Variants in CHORDC1 observed in about 807,000 individuals in gnomAD.
The protein encoded by CHORDC1 is cysteine and histidine rich domain containing 1, also known as cysteine and histidine-rich domain-containing protein 1.
Under a neutral mutation model 48.3 loss-of-function variants are expected in CHORDC1, and 25 were observed. The observed-to-expected ratio is 0.52, with a 90% CI of 0.38 to 0.72. The LOEUF is 0.72. Among genes scored for constraint, CHORDC1 ranks in the 30% least tolerant of loss-of-function variants. The pLI is 0.00. For missense variants in CHORDC1, 317 were observed against 388.7 expected (o/e 0.82, Z 1.55); for synonymous variants, 128 against 126.4 (o/e 1.01, Z -0.09).
intron 1 of CHORDC1, chr11:90,222,587 A>C: frequency 1.6e-6 from 1 of 612,972 alleles, no homozygotes; most frequent in South Asian, 1.5e-5. Flanking sequence ...TGTTCGTTCT[A>C]AATTCCAGGC....
At chr11:90,218,750 T>C (rs1228932389) in intron 1 of CHORDC1, among the ~76,000 whole-genome samples, 1 of 151,780 alleles carries the variant, frequency 6.6e-6, no homozygotes, top group African/African-American at 2.4e-5. Context: ...CCCTGCCCTG[T>C]TTGGGAAGTG....
At chr11:90,212,825 T>C (rs1857908702) in intron 4 of CHORDC1, 2 of 151,928 alleles carry the variant, frequency 1.3e-5, no homozygotes, top group Admixed American at 6.6e-5. Context: ...AGACAGGATC[T>C]CTTTCAGATT....
chr11:90,219,599 T>C (rs1351664500), intron 1 of CHORDC1, among the ~76,000 whole-genome samples: 1 of 152,146 alleles, frequency 6.6e-6, no homozygotes, highest in Non-Finnish European at 1.5e-5. Flanking sequence ...CCACAAACAA[T>C]AGCATGAGCC....
At chr11:90,220,316 G>GT (rs1858134793) in intron 1 of CHORDC1, among the ~76,000 whole-genome samples, 1 of 152,170 alleles carries the variant, frequency 6.6e-6, no homozygotes, top group African/African-American at 2.4e-5. Context: ...TGTAGAAAGT[G>GT]TTAGGTATCT....
At chr11:90,216,585 A>G (rs1008430015) in intron 2 of CHORDC1, 2 of 435,672 alleles carry the variant, frequency 4.6e-6, no homozygotes, top group Non-Finnish European at 4.5e-6. Flanking sequence ...TAGAGACCAC[A>G]ATAAACACTA....
intron 4 of CHORDC1, chr11:90,213,044 G>A (rs1452034823): frequency 5.4e-6 from 1 of 186,030 alleles, no homozygotes; most frequent in African/African-American, 2.3e-5. Context: ...CTGAAGTTTT[G>A]TCTTTTCCCA....
chr11:90,221,647 TTC>T (rs1211239767), intron 1 of CHORDC1, among the ~76,000 whole-genome samples: 9 of 152,210 alleles, frequency 5.9e-5, no homozygotes, highest in Non-Finnish European at 1.3e-4. Context: ...TTAAAATCGT[TTC>T]TCGATTTTGT....
intron 7 of CHORDC1, chr11:90,205,824 G>A: frequency 2.1e-6 from 1 of 465,808 alleles, no homozygotes; most frequent in Non-Finnish European, 3.8e-6. Context: ...GCAGGATGCG[G>A]AAAAGTATGG....
Position 90,201,197 on chromosome 11 carries a change from G to C in CHORDC1, c.*1208C>G, listed in dbSNP as rs1389779628. 6.6e-6 allele frequency: 1 copy of C among 151,588 alleles called. No homozygotes were observed. The highest frequency in any genetic ancestry group is 1.5e-5 in the Non-Finnish European group (1 of 67,796). 9.4% of individuals were successfully genotyped at this position (151,588 alleles called of 1,614,324 possible). A position where few individuals can be genotyped will look rare whatever the true frequency, so the allele number is the denominator to read the frequency against. ...TACCAAGGAAAAGAAAAGACTCAAG[G>C]GGTTTGGGAAATAAACCCCTTTTAA... On this transcript the variant is annotated 3_prime_UTR_variant, in exon 11 of 11. Coordinates refer to ENST00000320585, the MANE Select transcript of CHORDC1 (RefSeq NM_012124.3).
intron 10 of CHORDC1, 65 bp from the exon 11 acceptor site, chr11:90,202,616 C>G (rs1857569526): frequency 5.2e-6 from 8 of 1,553,090 alleles, no homozygotes; most frequent in Non-Finnish European, 6.1e-6. Flanking sequence ...AGGAAAACAT[C>G]AGACTTGCTT....
At chr11:90,217,346 A>G (rs1173665243) in intron 2 of CHORDC1, among the ~76,000 whole-genome samples, 1 of 149,594 alleles carries the variant, frequency 6.7e-6, no homozygotes, top group African/African-American at 2.5e-5. Context: ...CTTTTGAGAT[A>G]TACAAAGGAA....
rs1857977233 is a variant in CHORDC1, at chr11:90,215,178, A to G, written c.167T>C (p.Ile56Thr). The G allele has an allele frequency of 6.6e-7, 1 of 1,526,414 alleles. No individual in the cohort carries two copies. The highest frequency in any genetic ancestry group is 8.9e-7 in the Non-Finnish European group (1 of 1,120,072). The allele number at this position is 1,526,414 out of a possible 1,614,324, so 94.6% of individuals were successfully genotyped here. Residue 56 changes from isoleucine (I) to threonine (T), a missense_variant, in exon 3 of 11, where the codon ATT becomes ACT. Ile to Thr is a moderately conservative substitution (Grantham distance 89). Coordinates refer to ENST00000320585, the MANE Select transcript of CHORDC1 (RefSeq NM_012124.3). Reference protein sequence around the residue: ...RTTDFSDFLSIVGCTKGRHNS... With the variant: ...RTTDFSDFLSTVGCTKGRHNS... ...GAAAAAATAATTAGTACTTACTACA[A>G]TGCTTAAGAAATCAGAAAAATCAGT...
In CHORDC1 at chr11:90,201,050, A is replaced by T. The variant is rs1857532992; in HGVS notation, c.*1355T>A. 6.6e-6 allele frequency: 1 copy of T among 152,018 alleles called. No homozygotes were observed. The highest frequency in any genetic ancestry group is 6.6e-5 in the Admixed American group (1 of 15,258). The allele number at this position is 152,018 out of a possible 1,614,324, so 9.4% of individuals were successfully genotyped here. On this transcript the variant is annotated 3_prime_UTR_variant, in exon 11 of 11. Coordinates refer to ENST00000320585, the MANE Select transcript of CHORDC1 (RefSeq NM_012124.3). ...TTATGTTTTTATTTGTAACAGAGCT[A>T]AACCTTTTAACAATTATATTAACTA... is the stretch of plus-strand genomic sequence containing the variant.
Position 90,205,438 on chromosome 11 carries a change from T to A in CHORDC1, c.669+22A>T, listed in dbSNP as rs776972026. The A allele has an allele frequency of 1.7e-4, 218 of 1,249,208 alleles. 3 individuals are homozygous for A. The East Asian group carries it at 5.1e-3, about 29-fold the overall frequency. The allele number at this position is 1,249,208 out of a possible 1,614,324, so 77.4% of individuals were successfully genotyped here. ...TCAGATGAATATAAACCCAGTGTGC[T>A]ATTTTTGGAAGAGTTACTTACAGCA... On this transcript the variant is annotated intron_variant, in intron 8 of 10. Transcript: ENST00000320585.
In CHORDC1 at chr11:90,206,024, T is replaced by G. The variant is rs574759732; in HGVS notation, c.563+178A>C. Reference sequence around the variant, plus strand: ...GAACTGTAACCTTGTTTCTGTTTTCTCATGTATAAACACACAACATACAAA... The same window carrying G: ...GAACTGTAACCTTGTTTCTGTTTTCGCATGTATAAACACACAACATACAAA... On this transcript the variant is annotated intron_variant, in intron 7 of 10. Coordinates refer to ENST00000320585, the MANE Select transcript of CHORDC1 (RefSeq NM_012124.3). 5 of 605,216 alleles carry G rather than the reference T, an allele frequency of 8.3e-6. No homozygotes were observed. In the South Asian group the frequency reaches 9.8e-5, roughly 12 times the overall value. The allele number at this position is 605,216 out of a possible 1,614,324, so 37.5% of individuals were successfully genotyped here.
chr11:90,206,195 A>G lies in CHORDC1; in HGVS notation c.563+7T>C. 6.8e-7 allele frequency: 1 copy of G among 1,466,566 alleles called. No individual in the cohort carries two copies. The highest frequency in any genetic ancestry group is 9.6e-7 in the Non-Finnish European group (1 of 1,046,326). The allele number at this position is 1,466,566 out of a possible 1,614,324, so 90.8% of individuals were successfully genotyped here. ...TAAACTATTTTAATAAGTCATGCAT[A>G]AGTTACCCCTCATGGAAAATAGGTA... On this transcript the variant is annotated splice_region_variant and intron_variant, in intron 7 of 10. Coordinates refer to ENST00000320585, the MANE Select transcript of CHORDC1 (RefSeq NM_012124.3).
At chr11:90,205,809 C>T in intron 7 of CHORDC1, 1 of 482,152 alleles carries the variant, frequency 2.1e-6, no homozygotes, top group South Asian at 2.8e-5. Context: ...GAGAGGCTCT[C>T]AACTGCAGGA....
chr11:90,216,672 G>A (rs1858020710), intron 2 of CHORDC1: 1 of 293,186 alleles, frequency 3.4e-6, no homozygotes, highest in South Asian at 2.9e-5. Flanking sequence ...AATGCGGTAA[G>A]AGAAAAAACG....
chr11:90,223,023 C>G lies in CHORDC1; in HGVS notation c.-69G>C. ...GGCAAGAGGATGCGTTTGCCACTCCCGTGTCGCTAGCACCGGTCTGACGAC... is the reference window on the plus strand; with the variant it reads ...GGCAAGAGGATGCGTTTGCCACTCCGGTGTCGCTAGCACCGGTCTGACGAC... On this transcript the variant is annotated 5_prime_UTR_variant, in exon 1 of 11. Coordinates refer to ENST00000320585, the MANE Select transcript of CHORDC1 (RefSeq NM_012124.3). 7.3e-7 allele frequency: 1 copy of G among 1,363,530 alleles called. No individual in the cohort carries two copies. Among genetic ancestry groups the G allele is most frequent in the Non-Finnish European group, 1.0e-6 (1 of 956,712 alleles). The allele number at this position is 1,363,530 out of a possible 1,614,324, so 84.5% of individuals were successfully genotyped here.
Sources: gnomAD v4.1 joint callset for allele counts (sites outside exome capture counted in the v4.1 genomes callset) on GRCh38, gnomAD v4.1.1 for gene constraint, MANE v1.5 for transcripts, NCBI Gene and HGNC (gene_info 2026-07-23, HGNC 2026-07-21) for gene names.